Variants in B3GALT1 observed in about 807,000 individuals in gnomAD.
The protein encoded by B3GALT1 is UDP-Gal:betaGlcNAc beta 1,3-galactosyltransferase, polypeptide 1.
A neutral mutation model predicts 23.2 loss-of-function variants in B3GALT1; 10 were observed. The ratio of observed to expected loss-of-function variants is 0.43; its 90% CI spans 0.27 to 0.73. The LOEUF is 0.73. B3GALT1 is among the 30% of genes least tolerant of loss of function. The pLI is 0.21. For synonymous variants in B3GALT1, 156 were observed against 141.5 expected (o/e 1.10, Z -0.73); for missense variants, 299 against 405.4 (o/e 0.74, Z 2.25).
At chr2:167,647,754 T>G (rs1331177804) in intron 3 of B3GALT1, among the ~76,000 whole-genome samples, 1 of 152,136 alleles carries the variant, frequency 6.6e-6, no homozygotes, top group African/African-American at 2.4e-5. Context: ...TTTATAGAGT[T>G]TCTGCTCTCC....
intron 2 of B3GALT1, among the ~76,000 whole-genome samples, chr2:167,497,172 A>G (rs1357190690): frequency 6.6e-6 from 1 of 152,218 alleles, no homozygotes; most frequent in Non-Finnish European, 1.5e-5. Context: ...GAGAATTAAG[A>G]ATGTATAATG....
intron 2 of B3GALT1, among the ~76,000 whole-genome samples, chr2:167,593,369 T>C (rs1684717707): frequency 6.6e-6 from 1 of 152,176 alleles, no homozygotes; most frequent in Non-Finnish European, 1.5e-5. Flanking sequence ...TAAAATACTA[T>C]TATATATTAA....
chr2:167,599,283 G>A (rs1183986080), intron 2 of B3GALT1, among the ~76,000 whole-genome samples: 7 of 152,100 alleles, frequency 4.6e-5, no homozygotes, highest in Non-Finnish European at 8.8e-5. Flanking sequence ...TGTTTTGTGT[G>A]ACTTTTTAGA....
chr2:167,697,658 GA>G lies in B3GALT1; in HGVS notation c.-352+50695del, dbSNP rs1457661029. ...CTAACAGATAGTGAGAATTAACCAG[GA>G]AATCAAGTATTATGATACCTAAGTA... is the stretch of plus-strand genomic sequence containing the variant. On this transcript the variant is annotated intron_variant, in intron 3 of 4. Coordinates refer to ENST00000392690, the MANE Select transcript of B3GALT1 (RefSeq NM_020981.4). 3.3e-5 allele frequency among the ~76,000 whole-genome samples: 5 copies of G among 152,288 alleles called. No individual in the cohort carries two copies. The East Asian group carries it at 9.6e-4, about 29-fold the overall frequency.
intron 1 of B3GALT1, among the ~76,000 whole-genome samples, chr2:167,345,121 G>A (rs1490151250): frequency 6.6e-6 from 1 of 152,142 alleles, no homozygotes; most frequent in African/African-American, 2.4e-5. Context: ...CACCAGTCTG[G>A]AGATCTCATT....
intron 3 of B3GALT1, among the ~76,000 whole-genome samples, chr2:167,718,039 C>A (rs1352010324): frequency 1.3e-5 from 2 of 152,064 alleles, no homozygotes; most frequent in African/African-American, 2.4e-5. Context: ...AGGGGGAGGT[C>A]TTTTCATCAG....
intron 2 of B3GALT1, among the ~76,000 whole-genome samples, chr2:167,536,921 C>T (rs576954793): frequency 6.6e-6 from 1 of 152,164 alleles, no homozygotes; most frequent in Admixed American, 6.5e-5. Context: ...AACTCTATTT[C>T]GGAAGGTAAA....
At chr2:167,426,339 A>G (rs563482728) in intron 1 of B3GALT1, among the ~76,000 whole-genome samples, 1 of 151,378 alleles carries the variant, frequency 6.6e-6, no homozygotes, top group African/African-American at 2.4e-5. Context: ...CAGTGGTGCA[A>G]TCTTGGCTCA....
chr2:167,671,356 A>G (rs982841231), intron 3 of B3GALT1, among the ~76,000 whole-genome samples: 9 of 152,188 alleles, frequency 5.9e-5, no homozygotes, highest in Non-Finnish European at 8.8e-5. Flanking sequence ...GCAAAAGAAT[A>G]CAAATTATTG....
At chr2:167,394,018 G>T (rs1698057370) in intron 1 of B3GALT1, among the ~76,000 whole-genome samples, 1 of 152,180 alleles carries the variant, frequency 6.6e-6, no homozygotes, top group South Asian at 2.1e-4. Context: ...TCTCAATTTT[G>T]TTCCAGTTAC....
intron 3 of B3GALT1, among the ~76,000 whole-genome samples, chr2:167,709,649 C>T (rs1687019842): frequency 6.6e-6 from 1 of 152,096 alleles, no homozygotes; most frequent in Admixed American, 6.5e-5. Context: ...CATCAGAATG[C>T]TACATGGAAC....
chr2:167,728,299 A>C (rs1687351580), intron 3 of B3GALT1, among the ~76,000 whole-genome samples: 1 of 152,196 alleles, frequency 6.6e-6, no homozygotes, highest in African/African-American at 2.4e-5. Context: ...AGGCAGGAGA[A>C]TCATTTGAAT....
intron 3 of B3GALT1, among the ~76,000 whole-genome samples, chr2:167,669,016 TAA>T (rs1222217659): frequency 6.6e-6 from 1 of 152,186 alleles, no homozygotes; most frequent in Middle Eastern, 3.2e-3. Flanking sequence ...CTTCTTTATA[TAA>T]AGTTGCTGTC....
chr2:167,348,707 C>T (rs2105253375), intron 1 of B3GALT1, among the ~76,000 whole-genome samples: 1 of 152,220 alleles, frequency 6.6e-6, no homozygotes, highest in South Asian at 2.1e-4. Flanking sequence ...TCACCCCTCT[C>T]AATATGTTCA....
chr2:167,620,061 T>C (rs781503929), intron 2 of B3GALT1, among the ~76,000 whole-genome samples: 6 of 152,110 alleles, frequency 3.9e-5, no homozygotes, highest in Non-Finnish European at 7.4e-5. Context: ...AAATCATGTC[T>C]GCAAAGAGTA....
intron 3 of B3GALT1, among the ~76,000 whole-genome samples, chr2:167,817,937 A>T (rs1284406513): frequency 1.3e-5 from 2 of 152,226 alleles, no homozygotes; most frequent in African/African-American, 4.8e-5. Context: ...GTCATAAGTG[A>T]CACTAAAAGG....
At chr2:167,495,702 A>G (rs1311802849) in intron 2 of B3GALT1, among the ~76,000 whole-genome samples, 2 of 152,012 alleles carry the variant, frequency 1.3e-5, no homozygotes, top group East Asian at 3.9e-4. Flanking sequence ...ATCTGTTCCT[A>G]GGCTTTTCCT....
chr2:167,642,179 T>C (rs1272454229), intron 2 of B3GALT1, among the ~76,000 whole-genome samples: 1 of 152,168 alleles, frequency 6.6e-6, no homozygotes, highest in African/African-American at 2.4e-5. Context: ...ATCACAGTTT[T>C]CAACTACTCC....
intron 1 of B3GALT1, among the ~76,000 whole-genome samples, chr2:167,307,566 A>G (rs1231925101): frequency 1.3e-5 from 2 of 152,032 alleles, no homozygotes; most frequent in Non-Finnish European, 1.5e-5. Flanking sequence ...CATGGTGGAC[A>G]GTGAATGGTG....
Sources: gnomAD v4.1 joint callset for allele counts (sites outside exome capture counted in the v4.1 genomes callset) on GRCh38, gnomAD v4.1.1 for gene constraint, MANE v1.5 for transcripts, NCBI Gene and HGNC (gene_info 2026-07-23, HGNC 2026-07-21) for gene names.